Variants in SMAD1 observed in about 807,000 individuals in gnomAD.
SMAD1 encodes SMAD family member 1.
In SMAD1, 6 loss-of-function variants were observed where a neutral mutation model predicts 41.6. The observed-to-expected ratio is 0.14, with a 90% CI of 0.08 to 0.28. The LOEUF (loss-of-function observed/expected upper bound fraction) is 0.28. SMAD1 is among the 10% of genes least tolerant of loss of function. The pLI, the probability that SMAD1 is intolerant of heterozygous loss-of-function variation, is 1.00. For missense variants in SMAD1, 379 were observed against 582.6 expected (o/e 0.65, Z 3.60); for synonymous variants, 206 against 203.2 (o/e 1.01, Z -0.12).
chr4:145,539,989 C>G lies in SMAD1; in HGVS notation c.586C>G (p.Pro196Ala), dbSNP rs1471708147. Residue 196 changes from proline to alanine, a missense_variant, in exon 3 of 7, where the codon CCT becomes GCT. Physicochemically the swap from Pro to Ala is conservative, Grantham distance 27. Around this residue, in one of 3 missense-constraint regions of SMAD1, gnomAD observed 208 missense variants for 210.5 expected, o/e 0.99. Transcript: ENST00000302085. ...TCCCAATAGCAGTTACCCAAACTCTCCTGGGAGCAGCAGCAGCACCTACCC... is the reference window on the plus strand; with the variant it reads ...TCCCAATAGCAGTTACCCAAACTCTGCTGGGAGCAGCAGCAGCACCTACCC... The part of the protein sequence containing the change: ...HSPNSSYPNS[P>A]GSSSSTYPHS... 1 of 1,614,146 alleles carries G rather than the reference C, an allele frequency of 6.2e-7. No individual in the cohort carries two copies. The highest frequency in any genetic ancestry group is 1.1e-5 in the South Asian group (1 of 91,080).
chr4:145,498,170 A>G (rs1346546945), intron 1 of SMAD1: 1 of 152,168 alleles, frequency 6.6e-6, no homozygotes, highest in East Asian at 1.9e-4. Flanking sequence ...AATTTGATGG[A>G]TATTTGAACA....
At chr4:145,524,587 C>T (rs1347384086) in intron 2 of SMAD1, among the ~76,000 whole-genome samples, 1 of 152,088 alleles carries the variant, frequency 6.6e-6, no homozygotes, top group Non-Finnish European at 1.5e-5. Flanking sequence ...TACAAAGTAC[C>T]TTTCTCATAC....
chr4:145,532,359 C>T (rs1443741069), intron 2 of SMAD1, among the ~76,000 whole-genome samples: 4 of 152,098 alleles, frequency 2.6e-5, no homozygotes, highest in African/African-American at 9.7e-5. Flanking sequence ...TAGCTTCAGC[C>T]TTTTAAAGAC....
intron 5 of SMAD1, among the ~76,000 whole-genome samples, chr4:145,552,656 C>T (rs1012652521): frequency 6.6e-6 from 1 of 152,130 alleles, no homozygotes; most frequent in Non-Finnish European, 1.5e-5. Flanking sequence ...GATCTTATAT[C>T]TTACAGCTTT....
chr4:145,508,258 TC>T (rs1370435305), intron 1 of SMAD1, among the ~76,000 whole-genome samples: 1 of 152,124 alleles, frequency 6.6e-6, no homozygotes, highest in African/African-American at 2.4e-5. Context: ...GCTTGTATCA[TC>T]ATCTCCAGCG....
At chr4:145,497,140 C>T (rs1465520166) in intron 1 of SMAD1, 4 of 152,116 alleles carry the variant, frequency 2.6e-5, no homozygotes, top group East Asian at 3.9e-4. Context: ...TGATTAAAAG[C>T]TTTGATGAAT....
intron 1 of SMAD1, among the ~76,000 whole-genome samples, chr4:145,491,091 CTT>C (rs1321256831): frequency 6.6e-6 from 1 of 152,126 alleles, no homozygotes; most frequent in Non-Finnish European, 1.5e-5. Context: ...ATAAAGGAAA[CTT>C]TTTATAGATT....
At chr4:145,528,366 G>A (rs1410853483) in intron 2 of SMAD1, among the ~76,000 whole-genome samples, 1 of 152,090 alleles carries the variant, frequency 6.6e-6, no homozygotes, top group Non-Finnish European at 1.5e-5. Flanking sequence ...GCCTCCCAAA[G>A]TGCTGGGATT....
chr4:145,500,385 C>G (rs772213684), intron 1 of SMAD1, among the ~76,000 whole-genome samples: 2 of 152,128 alleles, frequency 1.3e-5, no homozygotes, highest in African/African-American at 4.8e-5. Context: ...CATTTCTCTC[C>G]CCTCACTCCA....
chr4:145,535,736 A>T (rs1329252438), intron 2 of SMAD1, among the ~76,000 whole-genome samples: 3 of 152,122 alleles, frequency 2.0e-5, no homozygotes, highest in Non-Finnish European at 2.9e-5. Flanking sequence ...GGTAGGGAGT[A>T]TATTGTTTTG....
Position 145,539,923 on chromosome 4 carries a change from G to A in SMAD1, c.520G>A (p.Asp174Asn). 6.2e-7 allele frequency: 1 copy of A among 1,613,960 alleles called. No homozygotes were observed. Among genetic ancestry groups the A allele is most frequent in the East Asian group, 2.2e-5 (1 of 44,886 alleles). Residue 174 changes from aspartate (D) to asparagine (N), a missense_variant, in exon 3 of 7, where the codon GAT (aspartate) becomes AAT (asparagine). Physicochemically the swap from Asp to Asn is conservative, Grantham distance 23. Around this residue, in one of 3 missense-constraint regions of SMAD1, gnomAD observed 208 missense variants for 210.5 expected, o/e 0.99. Coordinates refer to ENST00000302085, the MANE Select transcript of SMAD1 (RefSeq NM_005900.3). ...PHMPLNATFP[D>N]SFQQPNSHPF... is the part of the protein sequence containing the mutation. Reference sequence around the variant, plus strand: ...CATGCCACTCAACGCCACTTTTCCAGATTCTTTCCAGCAACCCAACAGCCA... The same window carrying A: ...CATGCCACTCAACGCCACTTTTCCAAATTCTTTCCAGCAACCCAACAGCCA...
chr4:145,506,481 C>T (rs893439116), intron 1 of SMAD1, among the ~76,000 whole-genome samples: 2 of 151,736 alleles, frequency 1.3e-5, no homozygotes, highest in African/African-American at 4.8e-5. Context: ...TACAATTATT[C>T]CCTCAATATT....
At chr4:145,523,841 CCA>C (rs1730888998) in intron 2 of SMAD1, among the ~76,000 whole-genome samples, 1 of 152,144 alleles carries the variant, frequency 6.6e-6, no homozygotes, top group South Asian at 2.1e-4. Context: ...AGTTGCTCTT[CCA>C]CAGTCCTCTC....
At chr4:145,539,663 G>GA in intron 2 of SMAD1, 141 bp from the exon 3 acceptor site, 1 of 772,186 alleles carries the variant, frequency 1.3e-6, no homozygotes. Flanking sequence ...CTTTTCATTT[G>GA]AATGATGCTT....
chr4:145,553,621 C>T (rs1279726998), intron 5 of SMAD1, among the ~76,000 whole-genome samples, 163 bp from the exon 6 acceptor site: 2 of 152,072 alleles, frequency 1.3e-5, no homozygotes, highest in Non-Finnish European at 2.9e-5. Context: ...GGTCCATGGC[C>T]CCGGGGGTTG....
intron 6 of SMAD1, 62 bp downstream of exon 6, chr4:145,554,102 T>C (rs1275598040): frequency 1.4e-6 from 2 of 1,468,388 alleles, no homozygotes; most frequent in Non-Finnish European, 1.8e-6. Flanking sequence ...TTTTTTTTTT[T>C]TTTTTTGGCG....
intron 1 of SMAD1, among the ~76,000 whole-genome samples, chr4:145,494,666 C>T (rs1000567392): frequency 1.3e-5 from 2 of 152,158 alleles, no homozygotes; most frequent in Admixed American, 1.3e-4. Flanking sequence ...TAATATCCAG[C>T]AACATTAAGA....
At chr4:145,491,572 T>C (rs1728768827) in intron 1 of SMAD1, among the ~76,000 whole-genome samples, 1 of 152,232 alleles carries the variant, frequency 6.6e-6, no homozygotes, top group African/African-American at 2.4e-5. Context: ...AGTATCAGTC[T>C]GGGAAGACTG....
intron 2 of SMAD1, among the ~76,000 whole-genome samples, chr4:145,526,610 G>A (rs569180347): frequency 1.3e-5 from 2 of 151,206 alleles, no homozygotes; most frequent in African/African-American, 4.8e-5. Context: ...TTTGATCAAC[G>A]GAATAATTAA....
Sources: gnomAD v4.1 joint callset for allele counts (sites outside exome capture counted in the v4.1 genomes callset) on GRCh38, gnomAD v4.1.1 for gene constraint, gnomAD v4.1.1 regional missense constraint, MANE v1.5 for transcripts, NCBI Gene and HGNC (gene_info 2026-07-23, HGNC 2026-07-21) for gene names.